TRIM5: variants seen among roughly 807,000 people sequenced by gnomAD.
TRIM5 encodes the protein tripartite motif containing 5, also known as tripartite motif-containing protein 5.
In TRIM5, 31 loss-of-function variants were observed where a neutral mutation model predicts 35.6. The observed-to-expected ratio is 0.87, with a 90% confidence interval of 0.65 to 1.18. The LOEUF (loss-of-function observed/expected upper bound fraction) is 1.18, where lower values mean the gene tolerates loss of function less well. Among genes scored for constraint, TRIM5 ranks in the 50% most tolerant of loss-of-function variants. The pLI is 0.00. For missense variants in TRIM5, 609 were observed against 591.6 expected (o/e 1.03, Z -0.31); for synonymous variants, 243 against 215.6 (o/e 1.13, Z -1.11).
chr11:5,678,392 CA>C lies in TRIM5; in HGVS notation c.555del (p.Phe185LeufsTer4). On this transcript the variant is annotated frameshift_variant, in exon 4 of 8. Transcript: ENST00000380034. LOFTEE classifies it high-confidence loss of function. ...CAGTCCAGGATGTCTCTCAGTTGCTCAAAATCTGCCAAGACGTTGGTTTTGT... is the reference window on the plus strand; with the variant it reads ...CAGTCCAGGATGTCTCTCAGTTGCTCAAATCTGCCAAGACGTTGGTTTTGT... ...QYDKTNVLAD[F>X]EQLRDILDWE... 1 of 1,595,658 alleles carries C rather than the reference CA, an allele frequency of 6.3e-7. No homozygotes were observed. The highest frequency in any genetic ancestry group is 8.6e-7 in the Non-Finnish European group (1 of 1,167,876).
the TRIM5 span, chr11:5,626,472 T>C: frequency 6.6e-6 from 1 of 152,230 alleles, no homozygotes; most frequent in Non-Finnish European, 1.5e-5. Flanking sequence ...AAGAACACAT[T>C]TGAGTAGAAT....
the TRIM5 span, chr11:5,634,733 GAAGAA>G: frequency 6.8e-5 from 110 of 1,613,980 alleles, no homozygotes; most frequent in Non-Finnish European, 8.8e-5. Context: ...ATTGGAAGAA[GAAGAA>G]AAGAAGACGC....
the TRIM5 span, among the ~76,000 whole-genome samples, chr11:5,609,687 C>A: frequency 6.6e-6 from 1 of 152,098 alleles, no homozygotes; most frequent in Non-Finnish European, 1.5e-5. Context: ...CTTTGGGAGG[C>A]TGAGGAGGGC....
At chr11:5,643,211 G>T in the TRIM5 span, 1 of 1,612,862 alleles carries the variant, frequency 6.2e-7, no homozygotes. Context: ...AGAGACAAGT[G>T]ATATCTGTGC....
At chr11:5,617,456 G>A in the TRIM5 span, among the ~76,000 whole-genome samples, 5 of 133,016 alleles carry the variant, frequency 3.8e-5, 1 homozygote, top group South Asian at 5.1e-4. Context: ...TGTCAATCAC[G>A]TTTCTATACA....
chr11:5,653,692 C>T, the TRIM5 span, among the ~76,000 whole-genome samples: 3 of 151,726 alleles, frequency 2.0e-5, no homozygotes, highest in Non-Finnish European at 4.4e-5. Flanking sequence ...GGGTTTTTAC[C>T]GTGTTGGTCA....
chr11:5,652,756 T>C, the TRIM5 span, among the ~76,000 whole-genome samples: 1 of 152,172 alleles, frequency 6.6e-6, no homozygotes, highest in East Asian at 1.9e-4. Context: ...GTGCTTTGGG[T>C]AGTATGGCCA....
the TRIM5 span, among the ~76,000 whole-genome samples, chr11:5,613,660 G>C: frequency 6.6e-6 from 1 of 152,076 alleles, no homozygotes; most frequent in Non-Finnish European, 1.5e-5. Flanking sequence ...GTAAGTTCTA[G>C]GCAAAAGAGT....
In TRIM5 at chr11:5,684,834, C is replaced by A. The variant is rs58630594; in HGVS notation, c.-62+34G>T. On this transcript the variant is annotated intron_variant, in intron 1 of 7. Coordinates refer to ENST00000380034, the MANE Select transcript of TRIM5 (RefSeq NM_033034.3). ...GTCTGTGAACTGTGTCTTTTCCCCA[C>A]CCCCGCACAGCTTTTCAGATAAGTT... 11 of 152,410 alleles carry A rather than the reference C, an allele frequency of 7.2e-5. No homozygotes were observed. In the East Asian group the frequency reaches 2.1e-3, roughly 29 times the overall value. The allele number at this position is 152,410 out of a possible 1,614,324, so 9.4% of individuals were successfully genotyped here. A position where few individuals can be genotyped will look rare whatever the true frequency, so the allele number is the denominator to read the frequency against.
chr11:5,657,398 G>C, the TRIM5 span, among the ~76,000 whole-genome samples: 637 of 149,516 alleles, frequency 4.3e-3, 3 homozygotes, highest in African/African-American at 0.015. Flanking sequence ...ACCATGGTAC[G>C]TGTATACCTG....
At chr11:5,629,731 G>A in the TRIM5 span, among the ~76,000 whole-genome samples, 1 of 152,188 alleles carries the variant, frequency 6.6e-6, no homozygotes, top group Admixed American at 6.5e-5. Context: ...TTTTTGAGAC[G>A]GAGTCTCGCT....
At chr11:5,608,579 A>C in the TRIM5 span, among the ~76,000 whole-genome samples, 1 of 152,050 alleles carries the variant, frequency 6.6e-6, no homozygotes, top group Non-Finnish European at 1.5e-5. Context: ...CTGGTAGGAA[A>C]ATGTGGGTGA....
At chr11:5,659,128 G>A (rs1476067443), downstream of TRIM5, among the ~76,000 whole-genome samples, 1 of 151,644 alleles carries the variant, frequency 6.6e-6, no homozygotes, top group East Asian at 1.9e-4. Context: ...TTGTGCACAT[G>A]TACCCTAGAA....
At chr11:5,681,101 A>G (rs1301116794) in intron 1 of TRIM5, among the ~76,000 whole-genome samples, 1 of 152,100 alleles carries the variant, frequency 6.6e-6, no homozygotes, top group Non-Finnish European at 1.5e-5. Flanking sequence ...CATGGTGTAG[A>G]GGGTGATGAT....
chr11:5,663,621 T>C lies in TRIM5; in HGVS notation c.*1188A>G. ...ATCCAAAGTATTAGATGAAGGTTTT[T>C]TGTTTTATTTTGCTTTTAATTGACA... On this transcript the variant is annotated 3_prime_UTR_variant, in exon 8 of 8. Transcript: ENST00000380034. The C allele has an allele frequency of 1.1e-6, 1 of 935,272 alleles. No individual in the cohort carries two copies. The highest frequency in any genetic ancestry group is 1.3e-6 in the Non-Finnish European group (1 of 783,998). 57.9% of individuals were successfully genotyped at this position (935,272 alleles called of 1,614,324 possible).
chr11:5,610,694 A>G, the TRIM5 span: 4 of 1,572,916 alleles, frequency 2.5e-6, no homozygotes, highest in South Asian at 1.2e-5. Context: ...AGTTCCTCCA[A>G]CCACTTCCTG....
At chr11:5,657,891 C>T in the TRIM5 span, among the ~76,000 whole-genome samples, 1 of 150,774 alleles carries the variant, frequency 6.6e-6, no homozygotes, top group Non-Finnish European at 1.5e-5. Flanking sequence ...GCTGGGATTA[C>T]AGGCCTGAGC....
At chr11:5,625,509 T>C in the TRIM5 span, among the ~76,000 whole-genome samples, 1 of 152,196 alleles carries the variant, frequency 6.6e-6, no homozygotes, top group African/African-American at 2.4e-5. Flanking sequence ...GCTTAGCTCC[T>C]AGTATGTGGC....
the TRIM5 span, chr11:5,642,424 G>A: frequency 6.2e-7 from 1 of 1,613,114 alleles, no homozygotes; most frequent in South Asian, 1.1e-5. Flanking sequence ...TCTGGAGGCT[G>A]AAAAAGCCAA....
Sources: allele counts gnomAD v4.1 joint callset (sites outside exome capture counted in the v4.1 genomes callset), GRCh38; gene constraint gnomAD v4.1.1; transcripts MANE v1.5; gene names NCBI Gene and HGNC (gene_info 2026-07-23, HGNC 2026-07-21).